STS: variants seen among roughly 807,000 people sequenced by gnomAD.
STS encodes steryl-sulfatase.
In STS, 7 loss-of-function variants were observed where a neutral mutation model predicts 26.8. That is an observed-to-expected ratio of 0.26 (90% CI 0.15 to 0.49). STS has a LOEUF of 0.49. Ranked by LOEUF, STS falls within the 20% of genes least tolerant of loss-of-function variation. The pLI is 0.98. For synonymous variants in STS, 199 were observed against 189.4 expected, an observed-to-expected ratio of 1.05 and a Z score of -0.42; for missense variants, 434 against 465.6, an observed-to-expected ratio of 0.93 and a Z score of 0.63.
At chrX:7,242,456 T>A (rs1179714040) in intron 2 of STS, among the ~76,000 whole-genome samples, 1 of 108,095 alleles carries the variant, frequency 9.3e-6, no homozygotes, top group African/African-American at 3.4e-5. Context: ...AAAAATTAGC[T>A]GGTCATGGTG....
At chrX:7,260,376 A>G (rs1292574046) in intron 6 of STS, among the ~76,000 whole-genome samples, 4 of 111,752 alleles carry the variant, frequency 3.6e-5, no homozygotes, top group Non-Finnish European at 5.7e-5. Context: ...GCTGATGACA[A>G]AGGAGGTGTC....
At chrX:7,224,902 T>C (rs1222918549) in intron 2 of STS, among the ~76,000 whole-genome samples, 1 of 112,467 alleles carries the variant, frequency 8.9e-6, no homozygotes, top group African/African-American at 3.2e-5. Flanking sequence ...TTTTGCTCTT[T>C]CTGGCTTCCT....
At position 7,205,580 on chromosome X, in the gene STS, G is replaced by C. The variant is rs992396515; in HGVS notation, c.-5+14572G>C. On this transcript the variant is annotated intron_variant, in intron 2 of 10. Transcript: ENST00000674429. Reference sequence around the variant, plus strand: ...TAAAACTGTAGGTTGGAAATTATTTGGTTTTCTTTTTCTTTTTCTTTTTCT... The same window carrying C: ...TAAAACTGTAGGTTGGAAATTATTTCGTTTTCTTTTTCTTTTTCTTTTTCT... Among the ~76,000 whole-genome samples, 35 of 81,641 alleles carry C rather than the reference G, an allele frequency of 4.3e-4. No individual in the cohort carries two copies. The South Asian group carries it at 4.6e-3, about 11-fold the overall frequency. The allele number at this position is 81,641 out of a possible 115,157, so 70.9% of individuals were successfully genotyped here. A position where few individuals can be genotyped will look rare whatever the true frequency, so the allele number is the denominator to read the frequency against.
chrX:7,244,549 G>A (rs980413177), intron 2 of STS, among the ~76,000 whole-genome samples: 10 of 111,696 alleles, frequency 9.0e-5, no homozygotes, highest in Non-Finnish European at 1.9e-4. Context: ...CAGATGATAG[G>A]GCGGGTAACA....
intron 8 of STS, among the ~76,000 whole-genome samples, chrX:7,306,218 C>T (rs1926208557): frequency 9.0e-6 from 1 of 110,970 alleles, no homozygotes; most frequent in Non-Finnish European, 1.9e-5. Context: ...TGTCTATATA[C>T]ATTAGACATA....
chrX:7,309,753 G>A (rs1926394708), intron 8 of STS, among the ~76,000 whole-genome samples: 1 of 111,196 alleles, frequency 9.0e-6, no homozygotes, highest in Non-Finnish European at 1.9e-5. Flanking sequence ...CAGGGGTGAG[G>A]GAGTAATAAT....
chrX:7,277,277 TTCTCTC>T lies in STS; in HGVS notation c.943+1195_943+1200del, dbSNP rs753740222. Among the ~76,000 whole-genome samples, 82 of 112,201 alleles carry T rather than the reference TTCTCTC, an allele frequency of 7.3e-4. 1 individual carries two copies. Among genetic ancestry groups the T allele is most frequent in the African/African-American group, 2.6e-3 (81 of 30,936 alleles). On this transcript the variant is annotated intron_variant, in intron 7 of 10. Coordinates refer to ENST00000674429, the MANE Select transcript of STS (RefSeq NM_001320752.2). The stretch of plus-strand genomic sequence containing the variant: ...TCATATATTTGTTTCCTTTTACTTT[TTCTCTC>T]TCTCATTCTTCCTTCCATTTCTTTT...
At chrX:7,223,359 C>T (rs1193704853) in intron 2 of STS, among the ~76,000 whole-genome samples, 1 of 112,195 alleles carries the variant, frequency 8.9e-6, no homozygotes, top group African/African-American at 3.2e-5. Context: ...TTTACATTCC[C>T]ACCAACAGTG....
At chrX:7,240,232 C>A (rs1188603303) in intron 2 of STS, among the ~76,000 whole-genome samples, 1 of 108,856 alleles carries the variant, frequency 9.2e-6, no homozygotes, top group Non-Finnish European at 1.9e-5. Context: ...GATGGTATTT[C>A]TCATCCTAGT....
intron 1 of STS, among the ~76,000 whole-genome samples, chrX:7,151,387 C>T (rs144757541): frequency 0.042 from 4,694 of 111,940 alleles, 233 homozygotes; most frequent in African/African-American, 0.14. Context: ...CTTGATGATG[C>T]TGAGAGACCA....
At chrX:7,164,024 A>G (rs909233204) in intron 1 of STS, among the ~76,000 whole-genome samples, 13 of 110,786 alleles carry the variant, frequency 1.2e-4, no homozygotes, top group African/African-American at 4.3e-4. Flanking sequence ...GGGTTTTACC[A>G]TGTTGGCCAG....
chrX:7,329,534 G>A (rs1309800564), intron 9 of STS, among the ~76,000 whole-genome samples: 3 of 112,358 alleles, frequency 2.7e-5, no homozygotes, highest in Non-Finnish European at 5.6e-5. Flanking sequence ...CTGCCCTTTA[G>A]AAAATAGTCT....
At chrX:7,245,249 T>G (rs1416602125) in intron 2 of STS, among the ~76,000 whole-genome samples, 1 of 111,896 alleles carries the variant, frequency 8.9e-6, no homozygotes, top group Non-Finnish European at 1.9e-5. Context: ...TAAAAACCTC[T>G]AGTGTGTCTC....
rs182101441 is a variant in STS at position 7,291,454 on chromosome X, C to T, written c.944-13592C>T. Among the ~76,000 whole-genome samples, 150 of 112,171 alleles carry T rather than the reference C, an allele frequency of 1.3e-3. 1 individual carries two copies. Among genetic ancestry groups the T allele is most frequent in the Admixed American group, 1.8e-3 (19 of 10,578 alleles). On this transcript the variant is annotated intron_variant, in intron 7 of 10. Coordinates refer to ENST00000674429, the MANE Select transcript of STS (RefSeq NM_001320752.2). ...AAGGTTATAACATAGCATATACTTT[C>T]GTATATTACTCCTTCTCAGTGCAAA...
At chrX:7,180,414 G>A (rs1278312799) in intron 1 of STS, among the ~76,000 whole-genome samples, 1 of 111,577 alleles carries the variant, frequency 9.0e-6, no homozygotes, top group East Asian at 2.8e-4. Context: ...GACAGGAGGC[G>A]GAGCTCAGGT....
intron 8 of STS, among the ~76,000 whole-genome samples, chrX:7,323,980 C>G (rs993900592): frequency 1.8e-5 from 2 of 111,892 alleles, no homozygotes; most frequent in African/African-American, 3.2e-5. Context: ...AAGAGTCAGA[C>G]TCTGTAAAAC....
chrX:7,350,029 A>G lies in STS; in HGVS notation c.1505A>G (p.Lys502Arg). The G allele has an allele frequency of 1.7e-6, 2 of 1,211,588 alleles. No homozygotes were observed. Among genetic ancestry groups the G allele is most frequent in the Non-Finnish European group, 2.2e-6 (2 of 895,396 alleles). ...HDPPLLFDIS[K>R]DPRERNPLTP... ...CCACCTTTACTCTTTGATATTTCCA[A>G]AGATCCCAGAGAGAGAAACCCACTA... is the stretch of plus-strand genomic sequence containing the variant. The change falls in exon 11 of 11, where the codon AAA becomes AGA. Residue 502 changes from lysine to arginine, a missense_variant. This residue lies in a region of STS where 205 missense variants were observed against 177.3 expected (regional missense o/e 1.16). Coordinates refer to ENST00000674429, the MANE Select transcript of STS (RefSeq NM_001320752.2).
chrX:7,251,302 G>C (rs1357418048), intron 2 of STS, among the ~76,000 whole-genome samples: 1 of 111,999 alleles, frequency 8.9e-6, no homozygotes, highest in Non-Finnish European at 1.9e-5. Flanking sequence ...AACTCAGAGA[G>C]TATGTTCAAA....
At chrX:7,344,432 G>C (rs1374686656) in intron 10 of STS, among the ~76,000 whole-genome samples, 1 of 111,387 alleles carries the variant, frequency 9.0e-6, no homozygotes, top group Non-Finnish European at 1.9e-5. Flanking sequence ...ACTGTGTTCA[G>C]TGCCTGTCAT....
Sources: gnomAD v4.1 joint callset for allele counts (sites outside exome capture counted in the v4.1 genomes callset) on GRCh38, gnomAD v4.1.1 for gene constraint, gnomAD v4.1.1 regional missense constraint, MANE v1.5 for transcripts, NCBI Gene and HGNC (gene_info 2026-07-23, HGNC 2026-07-21) for gene names.